The following PABPC4L variants were observed in gnomAD, a reference collection of about 807,000 sequenced individuals.
PABPC4L encodes polyadenylate-binding protein 4-like.
For missense variants in PABPC4L, 452 were observed against 451.4 expected, an observed-to-expected ratio of 1.00 and a Z score of -0.01; for synonymous variants, 169 against 164.1, an observed-to-expected ratio of 1.03 and a Z score of -0.23.
the PABPC4L span, among the ~76,000 whole-genome samples, chr4:134,067,800 G>A: frequency 2.0e-5 from 3 of 152,026 alleles, no homozygotes; most frequent in Non-Finnish European, 4.4e-5. Context: ...TCATTCAAGA[G>A]CAATTTGTTT....
chr4:134,189,239 G>GT, the PABPC4L span, among the ~76,000 whole-genome samples: 1 of 152,018 alleles, frequency 6.6e-6, no homozygotes, highest in Admixed American at 6.6e-5. Context: ...ATTCACTAAA[G>GT]TTTTTTAAAT....
chr4:134,073,503 C>A, the PABPC4L span, among the ~76,000 whole-genome samples: 1 of 152,122 alleles, frequency 6.6e-6, no homozygotes, highest in Non-Finnish European at 1.5e-5. Flanking sequence ...TCCATGTGCA[C>A]AGTGCAAGCT....
the PABPC4L span, among the ~76,000 whole-genome samples, chr4:134,177,181 CTTTTCTTTTTTTTT>C: frequency 9.7e-6 from 1 of 103,138 alleles, no homozygotes; most frequent in East Asian, 5.7e-4. Context: ...TTTTTCTTTT[CTTTTCTTTTTTTTT>C]TTTTTTTAGA....
the PABPC4L span, among the ~76,000 whole-genome samples, chr4:134,020,467 T>C: frequency 5.3e-5 from 8 of 152,206 alleles, no homozygotes; most frequent in African/African-American, 1.9e-4. Flanking sequence ...CAGGTCTGAG[T>C]CTGTTTAGTA....
the PABPC4L span, among the ~76,000 whole-genome samples, chr4:134,173,687 C>CA: frequency 1.3e-5 from 2 of 151,640 alleles, no homozygotes; most frequent in South Asian, 2.1e-4. Context: ...TTGTACATTT[C>CA]AAAAAAACTA....
At chr4:133,977,460 G>T in the PABPC4L span, among the ~76,000 whole-genome samples, 4 of 151,600 alleles carry the variant, frequency 2.6e-5, no homozygotes, top group African/African-American at 4.8e-5. Context: ...GAATGTCAAT[G>T]GTAGTTTAAT....
chr4:134,003,698 GA>G, the PABPC4L span, among the ~76,000 whole-genome samples: 1 of 151,852 alleles, frequency 6.6e-6, no homozygotes, highest in African/African-American at 2.4e-5. Context: ...GACTATAGTT[GA>G]ACCAATTATA....
the PABPC4L span, among the ~76,000 whole-genome samples, chr4:133,968,115 A>G: frequency 6.6e-6 from 1 of 152,194 alleles, no homozygotes; most frequent in Admixed American, 6.5e-5. Flanking sequence ...GGAATATTAT[A>G]GGCTTTCCAT....
chr4:134,132,387 CA>C, the PABPC4L span, among the ~76,000 whole-genome samples: 2 of 151,648 alleles, frequency 1.3e-5, no homozygotes, highest in Admixed American at 6.6e-5. Flanking sequence ...ACAATCTCAT[CA>C]AAAAGTGAGC....
the PABPC4L span, among the ~76,000 whole-genome samples, chr4:134,150,691 A>G: frequency 6.6e-6 from 1 of 152,132 alleles, no homozygotes; most frequent in Non-Finnish European, 1.5e-5. Flanking sequence ...TCCACGTTCC[A>G]ATCCAAGATA....
chr4:134,075,879 A>C, the PABPC4L span, among the ~76,000 whole-genome samples: 1 of 152,088 alleles, frequency 6.6e-6, no homozygotes, highest in Non-Finnish European at 1.5e-5. Flanking sequence ...TTGATTCCAA[A>C]ATATATATTG....
the PABPC4L span, among the ~76,000 whole-genome samples, chr4:133,949,687 C>T: frequency 6.6e-6 from 1 of 152,150 alleles, no homozygotes; most frequent in East Asian, 1.9e-4. Context: ...TAGGGACCTT[C>T]CCAGTTTGGG....
chr4:134,093,766 T>G, the PABPC4L span, among the ~76,000 whole-genome samples: 19 of 151,506 alleles, frequency 1.3e-4, no homozygotes, highest in Non-Finnish European at 1.8e-4. Flanking sequence ...CTTTTTTATA[T>G]CAGCTAGTCA....
the PABPC4L span, among the ~76,000 whole-genome samples, chr4:134,175,701 G>A: frequency 6.6e-6 from 1 of 152,040 alleles, no homozygotes; most frequent in Admixed American, 6.6e-5. Context: ...CACCCGCCTT[G>A]GCTTCCCAAA....
At chr4:134,046,461 G>A in the PABPC4L span, among the ~76,000 whole-genome samples, 1 of 151,970 alleles carries the variant, frequency 6.6e-6, no homozygotes, top group Non-Finnish European at 1.5e-5. Context: ...GTTTTACACC[G>A]AGACATTCCC....
At chr4:134,107,067 T>G in the PABPC4L span, among the ~76,000 whole-genome samples, 1 of 151,378 alleles carries the variant, frequency 6.6e-6, no homozygotes. Context: ...TGACTTAAAT[T>G]TTTTAGGGCA....
chr4:134,152,374 C>T, the PABPC4L span, among the ~76,000 whole-genome samples: 1 of 152,094 alleles, frequency 6.6e-6, no homozygotes, highest in Non-Finnish European at 1.5e-5. Context: ...AGATTTCCTT[C>T]TTAAATATAT....
chr4:134,201,568 C>G, intron 1 of PABPC4L, 150 bp downstream of exon 1: 1 of 208,538 alleles, frequency 4.8e-6, no homozygotes. Flanking sequence ...CGACGCGGGC[C>G]AAGGGCGTCC....
At chr4:134,086,083 TA>T in the PABPC4L span, among the ~76,000 whole-genome samples, 3 of 152,272 alleles carry the variant, frequency 2.0e-5, no homozygotes, top group Admixed American at 2.0e-4. Flanking sequence ...TGGTCTTTTT[TA>T]CAGTGTCATG....
Sources: allele counts gnomAD v4.1 joint callset (sites outside exome capture counted in the v4.1 genomes callset), GRCh38; gene constraint gnomAD v4.1.1; transcripts MANE v1.5; gene names NCBI Gene and HGNC (gene_info 2026-07-23, HGNC 2026-07-21).